NUP155: variants seen among roughly 807,000 people sequenced by gnomAD.
NUP155 encodes the protein nucleoporin 155, also known as nuclear pore complex protein Nup155.
NUP155 carries 71 observed loss-of-function variants against 180.4 expected under a neutral mutation model. The observed-to-expected ratio is 0.39, with a 90% CI of 0.33 to 0.48. The LOEUF is 0.48. NUP155 is among the 20% of genes least tolerant of loss of function. The probability of loss-of-function intolerance (pLI) is 0.91; values close to 1 mark genes in which losing one functional copy is unlikely to be tolerated. For synonymous variants in NUP155, 582 were observed against 559.5 expected, an observed-to-expected ratio of 1.04 and a Z score of -0.57; for missense variants, 1,553 against 1,648.9, an observed-to-expected ratio of 0.94 and a Z score of 1.01.
rs550342158 is a variant in NUP155, at chr5:37,349,258, C to CAAA, written c.830-16_830-14dup. 1.1e-5 allele frequency: 6 copies of CAAA among 544,258 alleles called. No homozygotes were observed. The highest frequency in any genetic ancestry group is 4.5e-5 in the Admixed American group (1 of 22,152). 33.7% of individuals were successfully genotyped at this position (544,258 alleles called of 1,614,324 possible). A position where few individuals can be genotyped will look rare whatever the true frequency, so the allele number is the denominator to read the frequency against. On this transcript the variant is annotated splice_polypyrimidine_tract_variant and intron_variant, in intron 7 of 34. Coordinates refer to ENST00000231498, the MANE Select transcript of NUP155 (RefSeq NM_153485.3). ...TGAAGAATAGGATCTAAAAGTAAGACAAAAAAAAAAAAGAGAAAAAAGTAA... is the reference window on the plus strand; with the variant it reads ...TGAAGAATAGGATCTAAAAGTAAGACAAAAAAAAAAAAAAAGAGAAAAAAGTAA...
chr5:37,365,792 C>G (rs1460129544), intron 1 of NUP155, among the ~76,000 whole-genome samples: 12 of 133,396 alleles, frequency 9.0e-5, no homozygotes, highest in Non-Finnish European at 1.8e-4. Context: ...CACACACACA[C>G]AGACGCCTAC....
chr5:37,370,396 A>G (rs1293181791), intron 1 of NUP155, among the ~76,000 whole-genome samples: 1 of 152,242 alleles, frequency 6.6e-6, no homozygotes, highest in African/African-American at 2.4e-5. Context: ...ATAAATATAA[A>G]GCAAAGCGTA....
At chr5:37,347,445 C>T (rs1299435939) in intron 9 of NUP155, among the ~76,000 whole-genome samples, 3 of 152,156 alleles carry the variant, frequency 2.0e-5, no homozygotes, top group African/African-American at 7.2e-5. Context: ...CCTGTAATCC[C>T]AGCACTTTGG....
In NUP155 at chr5:37,289,557, A is replaced by G. The variant is rs1212661208; in HGVS notation, c.*2343T>C. On this transcript the variant is annotated 3_prime_UTR_variant, in exon 35 of 35. Coordinates refer to ENST00000231498, the MANE Select transcript of NUP155 (RefSeq NM_153485.3). ...TTCTCTCTTAGGAATCTTACCCCCC[A>G]AAAGGTATTGCAAGCATCTGTTGTG... 6.6e-6 allele frequency: 1 copy of G among 152,208 alleles called. No homozygotes were observed. The highest frequency in any genetic ancestry group is 2.4e-5 in the African/African-American group (1 of 41,466). The allele number at this position is 152,208 out of a possible 1,614,324, so 9.4% of individuals were successfully genotyped here. A position where few individuals can be genotyped will look rare whatever the true frequency, so the allele number is the denominator to read the frequency against.
Position 37,317,994 on chromosome 5 carries a change from A to G in NUP155, c.2299T>C (p.Phe767Leu). ...ATGAGAAGCAATAATTTACCATGAA[A>G]CTTCCTCTGCAGTTCCTGTTGCATT... ...QQMQQELQRK[F>L]HEAQLSEKIS... Residue 767 changes from phenylalanine (F) to leucine (L), a missense_variant, in exon 21 of 35, where the codon TTT (phenylalanine) becomes CTT (leucine). Transcript: ENST00000231498. 1 of 1,590,862 alleles carries G rather than the reference A, an allele frequency of 6.3e-7. No individual in the cohort carries two copies. Among genetic ancestry groups the G allele is most frequent in the African/African-American group, 1.3e-5 (1 of 74,598 alleles).
rs879469232 is a variant in NUP155 at position 37,355,091 on chromosome 5, C to CA, written c.464-2263dup. 6.3e-3 allele frequency among the ~76,000 whole-genome samples: 844 copies of CA among 134,860 alleles called. 4 individuals carry two copies. Among genetic ancestry groups the CA allele is most frequent in the African/African-American group, 0.01 (371 of 36,692 alleles). The allele number at this position is 134,860 out of a possible 152,430, so 88.5% of individuals were successfully genotyped here. On this transcript the variant is annotated intron_variant, in intron 4 of 34. Coordinates refer to ENST00000231498, the MANE Select transcript of NUP155 (RefSeq NM_153485.3). ...TGGGCGACAGAATGAGACTCCATCT[C>CA]AAAAAAAAAAAGAAGTCTGTTTTTA...
chr5:37,307,807 A>C (rs1581139832), intron 24 of NUP155, among the ~76,000 whole-genome samples: 1 of 151,956 alleles, frequency 6.6e-6, no homozygotes, highest in African/African-American at 2.4e-5. Flanking sequence ...CTGTAATCCC[A>C]GCTACTCAAA....
intron 4 of NUP155, among the ~76,000 whole-genome samples, chr5:37,355,553 A>G (rs1268768124): frequency 7.2e-6 from 1 of 138,192 alleles, no homozygotes; most frequent in African/African-American, 3.0e-5. Context: ...GTGTGTATAT[A>G]TATATATATT....
Position 37,333,472 on chromosome 5 carries a change from G to C in NUP155, c.1509C>G (p.Leu503=). The part of the protein sequence containing the change: ...HMLPPKKFVL[L]SAQGSLMFHK... ...CAGAATACGTACACACCTGTGCTGA[G>C]AGGAGAACAAATTTCTTCGGAGGTA... The change falls in exon 13 of 35, where the codon CTC becomes CTG. Residue 503 remains leucine, a synonymous_variant. Coordinates refer to ENST00000231498, the MANE Select transcript of NUP155 (RefSeq NM_153485.3). The C allele has an allele frequency of 6.2e-7, 1 of 1,613,924 alleles. No homozygotes were observed. The highest frequency in any genetic ancestry group is 8.5e-7 in the Non-Finnish European group (1 of 1,179,806).
chr5:37,366,500 G>A (rs1269274516), intron 1 of NUP155, among the ~76,000 whole-genome samples: 2 of 152,072 alleles, frequency 1.3e-5, no homozygotes, highest in Admixed American at 6.5e-5. Context: ...GTGCATTGGC[G>A]CGATCTCAGC....
chr5:37,352,254 A>G (rs2111604046), intron 5 of NUP155, among the ~76,000 whole-genome samples: 2 of 152,284 alleles, frequency 1.3e-5, no homozygotes, highest in Middle Eastern at 6.8e-3. Flanking sequence ...GCTACTTGGG[A>G]GGCTGAGGCA....
intron 24 of NUP155, among the ~76,000 whole-genome samples, chr5:37,307,952 A>AT (rs1374471950): frequency 1.1e-4 from 10 of 87,684 alleles, no homozygotes; most frequent in South Asian, 3.7e-4. Flanking sequence ...GAAAAAAAAA[A>AT]ATATATATAT....
chr5:37,370,637 C>T (rs1747898893), intron 1 of NUP155, 184 bp downstream of exon 1: 2 of 1,539,964 alleles, frequency 1.3e-6, no homozygotes, highest in Non-Finnish European at 1.7e-6. Flanking sequence ...CAAGTATCTA[C>T]AATGAAGAAA....
intron 9 of NUP155, among the ~76,000 whole-genome samples, chr5:37,347,112 T>C (rs1053063073): frequency 2.6e-5 from 4 of 152,046 alleles, no homozygotes; most frequent in African/African-American, 9.7e-5. Context: ...CCTGTAGTCC[T>C]AGCCGCTCGG....
rs1743082224 is a variant in NUP155, at chr5:37,305,158, T to A, written c.2956A>T (p.Ser986Cys). 2 of 1,613,746 alleles carry A rather than the reference T, an allele frequency of 1.2e-6. No homozygotes were observed. The highest frequency in any genetic ancestry group is 2.7e-5 in the African/African-American group (2 of 74,934). Residue 986 changes from serine (S) to cysteine (C), a missense_variant, in exon 26 of 35, where the codon AGT (serine) becomes TGT (cysteine). Physicochemically the swap from Ser to Cys is moderately radical, Grantham distance 112. Coordinates refer to ENST00000231498, the MANE Select transcript of NUP155 (RefSeq NM_153485.3). ...TDTLQELVNQ[S>C]KAAPQSPSVP... ...CTGGGAGACTGAGGAGCGGCCTTAC[T>A]TTGATTTACCAGTTCTTGAAGTGTG... is the stretch of plus-strand genomic sequence containing the variant.
intron 22 of NUP155, among the ~76,000 whole-genome samples, chr5:37,313,005 A>G (rs1429660332): frequency 6.6e-6 from 1 of 152,180 alleles, no homozygotes; most frequent in Non-Finnish European, 1.5e-5. Context: ...GGTAGGAATA[A>G]ATTTCCTCTA....
chr5:37,325,011 C>T (rs1744495056), intron 19 of NUP155, among the ~76,000 whole-genome samples: 1 of 152,128 alleles, frequency 6.6e-6, no homozygotes, highest in Non-Finnish European at 1.5e-5. Context: ...ATCAGCTGGG[C>T]ATGGTGGCGC....
In NUP155 at chr5:37,304,248, T is replaced by C. The variant is rs1169836622; in HGVS notation, c.3162+491A>G. Among the ~76,000 whole-genome samples, 262 of 41,756 alleles carry C rather than the reference T, an allele frequency of 6.3e-3. 2 individuals are homozygous for C. The highest frequency in any genetic ancestry group is 0.028 in the African/African-American group (255 of 8,970). 27.4% of individuals were successfully genotyped at this position (41,756 alleles called of 152,430 possible). A position where few individuals can be genotyped will look rare whatever the true frequency, so the allele number is the denominator to read the frequency against. On this transcript the variant is annotated intron_variant, in intron 27 of 34. Coordinates refer to ENST00000231498, the MANE Select transcript of NUP155 (RefSeq NM_153485.3). The stretch of plus-strand genomic sequence containing the variant: ...CTGGGCAACAGAGCCAGACTCCATC[T>C]CAAAAAAAAAAAAAAAAAAAAAAAA...
At chr5:37,348,332 A>AAATG (rs1335079904) in intron 9 of NUP155, among the ~76,000 whole-genome samples, 173 bp downstream of exon 9, 7 of 151,982 alleles carry the variant, frequency 4.6e-5, no homozygotes, top group African/African-American at 1.4e-4. Context: ...ATAAATAAAT[A>AAATG]AAGGAGTCTC....
Sources: gnomAD v4.1 joint callset for allele counts (sites outside exome capture counted in the v4.1 genomes callset) on GRCh38, gnomAD v4.1.1 for gene constraint, MANE v1.5 for transcripts, NCBI Gene and HGNC (gene_info 2026-07-23, HGNC 2026-07-21) for gene names.